The following TRAF3 variants were observed in gnomAD, a reference collection of about 807,000 sequenced individuals.
The protein encoded by TRAF3 is TNF receptor associated factor 3, also known as TNF receptor-associated factor 3.
In TRAF3, 13 loss-of-function variants were observed where a neutral mutation model predicts 62.3. The observed-to-expected ratio is 0.21, with a 90% confidence interval of 0.14 to 0.33. The LOEUF (loss-of-function observed/expected upper bound fraction) is 0.33, where lower values mean the gene tolerates loss of function less well. Among genes scored for constraint, TRAF3 ranks in the 10% least tolerant of loss-of-function variants. The pLI is 1.00. For synonymous variants in TRAF3, 269 were observed against 283.4 expected, an observed-to-expected ratio of 0.95 and a Z score of 0.51; for missense variants, 440 against 741.8, an observed-to-expected ratio of 0.59 and a Z score of 4.73.
intron 2 of TRAF3, among the ~76,000 whole-genome samples, chr14:102,839,322 G>A (rs1309656355): frequency 6.9e-6 from 1 of 145,578 alleles, no homozygotes; most frequent in Admixed American, 7.1e-5. Flanking sequence ...GGGCTCAAGC[G>A]ATTCTCCTGC....
chr14:102,827,351 C>G (rs1447427072), intron 1 of TRAF3, among the ~76,000 whole-genome samples: 1 of 152,174 alleles, frequency 6.6e-6, no homozygotes, highest in East Asian at 1.9e-4. Context: ...ATGCTTGGGA[C>G]TAGAAGTGTT....
At chr14:102,835,536 TG>T (rs1885947859) in intron 2 of TRAF3, among the ~76,000 whole-genome samples, 1 of 152,192 alleles carries the variant, frequency 6.6e-6, no homozygotes, top group Non-Finnish European at 1.5e-5. Flanking sequence ...AAAGAAAATT[TG>T]GTACATTTAT....
At chr14:102,801,215 C>T (rs1898392471) in intron 1 of TRAF3, among the ~76,000 whole-genome samples, 2 of 152,170 alleles carry the variant, frequency 1.3e-5, no homozygotes, top group East Asian at 3.9e-4. Flanking sequence ...CTCAAGTGAT[C>T]CTCCCACCTC....
chr14:102,802,554 C>T (rs1204522186), intron 1 of TRAF3, among the ~76,000 whole-genome samples: 7 of 149,834 alleles, frequency 4.7e-5, no homozygotes, highest in African/African-American at 1.5e-4. Context: ...TGAGGCTGGG[C>T]GCGGTGGCTC....
chr14:102,836,623 C>G (rs1886023743), intron 2 of TRAF3, among the ~76,000 whole-genome samples: 1 of 152,170 alleles, frequency 6.6e-6, no homozygotes, highest in Non-Finnish European at 1.5e-5. Flanking sequence ...AGAGTTTGTA[C>G]TAGTGTGTCT....
intron 1 of TRAF3, among the ~76,000 whole-genome samples, chr14:102,779,341 A>G (rs571490799): frequency 5.1e-4 from 75 of 145,976 alleles, no homozygotes; most frequent in Middle Eastern, 3.4e-3. Flanking sequence ...AAGAAGACCA[A>G]TTATTTTCCT....
At chr14:102,802,613 G>A (rs918343594) in intron 1 of TRAF3, among the ~76,000 whole-genome samples, 3 of 151,696 alleles carry the variant, frequency 2.0e-5, no homozygotes, top group African/African-American at 7.2e-5. Flanking sequence ...AGGATCATGA[G>A]GTCAGGAGTT....
At chr14:102,894,979 C>T (rs1889925037) in intron 9 of TRAF3, 2 of 431,406 alleles carry the variant, frequency 4.6e-6, no homozygotes, top group Admixed American at 2.5e-5. Flanking sequence ...TGAGACTACA[C>T]GTATGAGCCA....
intron 1 of TRAF3, among the ~76,000 whole-genome samples, chr14:102,811,942 T>TC (rs1555367703): frequency 2.3e-5 from 3 of 130,288 alleles, no homozygotes; most frequent in Non-Finnish European, 4.7e-5. Context: ...TTTTTTTTTT[T>TC]TGTACAGACA....
intron 1 of TRAF3, among the ~76,000 whole-genome samples, chr14:102,791,389 G>A (rs535953583): frequency 6.6e-6 from 1 of 152,232 alleles, no homozygotes; most frequent in African/African-American, 2.4e-5. Flanking sequence ...TAGTGTTAGT[G>A]TACAAATCAT....
intron 1 of TRAF3, among the ~76,000 whole-genome samples, chr14:102,789,766 G>A (rs544335753): frequency 2.6e-5 from 4 of 151,826 alleles, no homozygotes; most frequent in Non-Finnish European, 5.9e-5. Flanking sequence ...TGTATTTTTG[G>A]AGGGAAGACA....
chr14:102,872,697 T>C (rs181836838), intron 4 of TRAF3, among the ~76,000 whole-genome samples: 2,723 of 118,538 alleles, frequency 0.023, 34 homozygotes, highest in African/African-American at 0.048. Flanking sequence ...TTTCTTCTTT[T>C]TCTTTTTTTT....
chr14:102,840,020 G>A (rs977377104), intron 2 of TRAF3, among the ~76,000 whole-genome samples: 2 of 152,012 alleles, frequency 1.3e-5, no homozygotes, highest in Non-Finnish European at 2.9e-5. Context: ...AGTTATTCCC[G>A]GAGACTTCCA....
rs1434359877 is a variant in TRAF3 at position 102,826,812 on chromosome 14, G to A, written c.-156-3522G>A. 6.6e-6 allele frequency among the ~76,000 whole-genome samples: 1 copy of A among 152,156 alleles called. No individual in the cohort carries two copies. Among genetic ancestry groups the A allele is most frequent in the Non-Finnish European group, 1.5e-5 (1 of 68,028 alleles). The stretch of plus-strand genomic sequence containing the variant: ...TGTCACCTCTGTCAGGGGTGCCAGG[G>A]CTGCCAAAGGACAGCTGTTACTTAT... On this transcript the variant is annotated intron_variant, in intron 1 of 11. Coordinates refer to ENST00000392745, the MANE Select transcript of TRAF3 (RefSeq NM_145725.3). The surrounding 1 kb of genome is among the most constrained non-coding windows in gnomAD (Gnocchi z 4.6).
At chr14:102,848,791 T>C (rs534187200) in intron 2 of TRAF3, among the ~76,000 whole-genome samples, 10 of 152,340 alleles carry the variant, frequency 6.6e-5, no homozygotes, top group Admixed American at 1.3e-4. Context: ...TCCCTCATTC[T>C]GGCCTTTGCT....
At chr14:102,899,549 A>G (rs1032109569) in intron 10 of TRAF3, among the ~76,000 whole-genome samples, 13 of 152,112 alleles carry the variant, frequency 8.5e-5, no homozygotes, top group Non-Finnish European at 1.6e-4. Context: ...GTTCCTTGAC[A>G]AGCTCCATGC....
chr14:102,786,240 C>T (rs935273820), intron 1 of TRAF3, among the ~76,000 whole-genome samples: 2 of 152,202 alleles, frequency 1.3e-5, no homozygotes, highest in African/African-American at 4.8e-5. Flanking sequence ...GGAAAAGCCT[C>T]TGAAACCTAA....
Position 102,903,272 on chromosome 14 carries a change from A to G in TRAF3, c.978A>G (p.Gln326=). The G allele has an allele frequency of 6.2e-7, 1 of 1,614,226 alleles. No homozygotes were observed. Among genetic ancestry groups the G allele is most frequent in the Non-Finnish European group, 8.5e-7 (1 of 1,180,032 alleles). The stretch of plus-strand genomic sequence containing the variant: ...TTTGGAAGCGAGTGATAGACAGCCA[A>G]GCAGAGAAACTGAAGGAGCTTGACA... ...ILHLQRVIDS[Q]AEKLKELDKE... is the part of the protein sequence containing the mutation. Residue 326 remains glutamine, a synonymous_variant, in exon 11 of 12, where the codon CAA becomes CAG. Coordinates refer to ENST00000392745, the MANE Select transcript of TRAF3 (RefSeq NM_145725.3). This position sits in a 1 kb window ranked among gnomAD's most constrained non-coding sequence, Gnocchi z 6.4.
chr14:102,807,548 C>T (rs1898849327), intron 1 of TRAF3, among the ~76,000 whole-genome samples: 2 of 152,194 alleles, frequency 1.3e-5, no homozygotes, highest in Non-Finnish European at 2.9e-5. Context: ...TTGCTTTGGC[C>T]ATCTTTAGAT....
Sources: allele counts gnomAD v4.1 joint callset (sites outside exome capture counted in the v4.1 genomes callset), GRCh38; gene constraint gnomAD v4.1.1; non-coding constraint Gnocchi (gnomAD v3.1); transcripts MANE v1.5; gene names NCBI Gene and HGNC (gene_info 2026-07-23, HGNC 2026-07-21).